ZFHX3: variants seen among roughly 807,000 people sequenced by gnomAD.
The protein encoded by ZFHX3 is zinc finger homeobox 3, also known as zinc finger homeobox protein 3.
A neutral mutation model predicts 279.1 loss-of-function variants in ZFHX3; 42 were observed. That is an observed-to-expected ratio of 0.15 (90% CI 0.12 to 0.19). The LOEUF is 0.19. Ranked by LOEUF, ZFHX3 falls within the 10% of genes least tolerant of loss-of-function variation. The probability of loss-of-function intolerance (pLI) is 1.00; values close to 1 mark genes in which losing one functional copy is unlikely to be tolerated. For missense variants in ZFHX3, 4,981 were observed against 4,754.0 expected (o/e 1.05, Z -1.40); for synonymous variants, 2,293 against 1,957.8 (o/e 1.17, Z -4.52).
At chr16:73,495,000 A>G (rs1221146526) in intron 2 of ZFHX3, among the ~76,000 whole-genome samples, 2 of 152,202 alleles carry the variant, frequency 1.3e-5, no homozygotes, top group Admixed American at 1.3e-4. Flanking sequence ...TTTTGTATCA[A>G]TCGTTTCTGC....
intron 1 of ZFHX3, among the ~76,000 whole-genome samples, chr16:73,773,503 G>T (rs2054043425): frequency 6.6e-6 from 1 of 152,190 alleles, no homozygotes; most frequent in African/African-American, 2.4e-5. Flanking sequence ...AGTGAATAAG[G>T]ATCTGTCCAC....
chr16:73,608,593 A>G (rs530410059), intron 2 of ZFHX3: 2 of 152,330 alleles, frequency 1.3e-5, no homozygotes, highest in African/African-American at 4.8e-5. Flanking sequence ...CTTTTATTCA[A>G]AAGCAGAAAA....
chr16:73,208,726 C>T (rs2052715935), intron 5 of ZFHX3, among the ~76,000 whole-genome samples: 1 of 152,108 alleles, frequency 6.6e-6, no homozygotes, highest in East Asian at 1.9e-4. Flanking sequence ...ATTAGAGATG[C>T]CTACTTTTCT....
chr16:73,336,358 T>G (rs944810734), intron 3 of ZFHX3, among the ~76,000 whole-genome samples: 2 of 152,036 alleles, frequency 1.3e-5, no homozygotes, highest in Admixed American at 1.3e-4. Context: ...GCATAGCACC[T>G]GATAGTTTTT....
At position 73,457,976 on chromosome 16, in the gene ZFHX3, T is replaced by G. The variant is rs548368422; in HGVS notation, c.-1546-1718A>C. On this transcript the variant is annotated intron_variant, in intron 2 of 17. Transcript: ENST00000641206. ...TAAGGGGCACTTAAGCTCAGGTGTT[T>G]AACAGATTCTCCAGCACTTTATAGG... Among the ~76,000 whole-genome samples, 12 of 152,270 alleles carry G rather than the reference T, an allele frequency of 7.9e-5. No individual in the cohort carries two copies. In the South Asian group the frequency reaches 2.5e-3, roughly 32 times the overall value.
At position 72,958,992 on chromosome 16, in the gene ZFHX3, G is replaced by T; in HGVS notation, c.1154C>A (p.Ala385Asp). 6.2e-7 allele frequency: 1 copy of T among 1,607,498 alleles called. No individual in the cohort carries two copies. The highest frequency in any genetic ancestry group is 8.5e-7 in the Non-Finnish European group (1 of 1,177,060). The change falls in exon 2 of 10, where the codon GCT becomes GAT. Residue 385 changes from alanine to aspartate, a missense_variant. Coordinates refer to ENST00000268489, the MANE Select transcript of ZFHX3 (RefSeq NM_006885.4). Reference sequence around the variant, plus strand: ...ACCAGCCTGGGGCTGCTCGGGGCCAGCGGCGGAGCCCGCTGGGAGAGCTTC... The same window carrying T: ...ACCAGCCTGGGGCTGCTCGGGGCCATCGGCGGAGCCCGCTGGGAGAGCTTC... ...GEEALPAGSA[A>D]GPEQPQAGLL...
intron 1 of ZFHX3, among the ~76,000 whole-genome samples, chr16:73,708,951 T>C (rs1406798149): frequency 6.6e-6 from 1 of 152,152 alleles, no homozygotes; most frequent in Non-Finnish European, 1.5e-5. Context: ...TCTTCCCTCG[T>C]TGATGAGGTG....
chr16:72,913,817 T>C (rs956632356), intron 3 of ZFHX3, among the ~76,000 whole-genome samples: 5 of 152,194 alleles, frequency 3.3e-5, no homozygotes, highest in African/African-American at 1.2e-4. Context: ...TCAGAGTTTG[T>C]TGTCTTTGTT....
intron 2 of ZFHX3, among the ~76,000 whole-genome samples, chr16:73,547,465 T>C (rs1234796654): frequency 6.6e-6 from 1 of 152,224 alleles, no homozygotes; most frequent in African/African-American, 2.4e-5. Context: ...TTTCCTTTAG[T>C]TCCAGGGACA....
intron 4 of ZFHX3, among the ~76,000 whole-genome samples, chr16:72,872,378 C>G (rs2038184648): frequency 6.6e-6 from 1 of 152,108 alleles, no homozygotes; most frequent in South Asian, 2.1e-4. Context: ...TCTTTTTACT[C>G]AGAATTCAAC....
At position 73,149,493 on chromosome 16, in the gene ZFHX3, C is replaced by G. The variant is rs1006751365; in HGVS notation, c.-1103-5662G>C. ...ACTCACTCCACACATCTGTTGTGTG[C>G]CAAAGTAATCAGGAAATGAACCAAA... On this transcript the variant is annotated intron_variant, in intron 5 of 17. Transcript: ENST00000641206. Among the ~76,000 whole-genome samples the G allele has an allele frequency of 2.6e-5, 4 of 152,050 alleles. No homozygotes were observed. In the South Asian group the frequency reaches 8.3e-4, roughly 32 times the overall value.
chr16:73,806,228 T>A (rs1321793348), intron 1 of ZFHX3, among the ~76,000 whole-genome samples: 1 of 152,088 alleles, frequency 6.6e-6, no homozygotes. Context: ...CAATTCAAGG[T>A]GAGATTTGGG....
chr16:73,374,818 T>C (rs2016694431), intron 3 of ZFHX3, among the ~76,000 whole-genome samples: 1 of 152,194 alleles, frequency 6.6e-6, no homozygotes, highest in Non-Finnish European at 1.5e-5. Context: ...ATTCTTATGG[T>C]GGTGTTTACA....
chr16:72,788,287 C>G lies in ZFHX3; in HGVS notation c.9989G>C (p.Gly3330Ala). 6.2e-7 allele frequency: 1 copy of G among 1,614,172 alleles called. No homozygotes were observed. The highest frequency in any genetic ancestry group is 8.5e-7 in the Non-Finnish European group (1 of 1,180,024). Residue 3330 changes from glycine to alanine, a missense_variant, in exon 10 of 10, where the codon GGG becomes GCG. Gly to Ala is a moderately conservative substitution (Grantham distance 60, BLOSUM62 0). This residue lies in a region of ZFHX3 where 1,034 missense variants were observed against 786.0 expected (regional missense o/e 1.32). Coordinates refer to ENST00000268489, the MANE Select transcript of ZFHX3 (RefSeq NM_006885.4). ...CATGCCATACATAGGCTGCAGGTAC[C>G]CGCTCTGCAGGGCGCCAGGGATCTG... ...APQIPGALQS[G>A]YLQPMYGMEG... is the part of the protein sequence containing the mutation.
At chr16:73,662,370 A>G (rs2052794411) in intron 2 of ZFHX3, among the ~76,000 whole-genome samples, 1 of 152,190 alleles carries the variant, frequency 6.6e-6, no homozygotes, top group African/African-American at 2.4e-5. Context: ...ACCCACGGTC[A>G]CAGCGTTTCT....
At chr16:73,449,430 G>T (rs1266151636) in intron 3 of ZFHX3, among the ~76,000 whole-genome samples, 2 of 152,126 alleles carry the variant, frequency 1.3e-5, no homozygotes, top group African/African-American at 4.8e-5. Flanking sequence ...AGAAGGCTGA[G>T]GCGGGAGGAT....
chr16:73,246,197 C>A (rs1348914513), intron 5 of ZFHX3, among the ~76,000 whole-genome samples: 1 of 152,094 alleles, frequency 6.6e-6, no homozygotes, highest in Non-Finnish European at 1.5e-5. Flanking sequence ...AGAGTTGTGA[C>A]CTTTTAGGAG....
At chr16:73,302,534 G>T (rs1192004738) in intron 4 of ZFHX3, among the ~76,000 whole-genome samples, 4 of 152,226 alleles carry the variant, frequency 2.6e-5, no homozygotes, top group African/African-American at 9.7e-5. Flanking sequence ...AGCACAGACA[G>T]TTGAATAAGA....
intron 3 of ZFHX3, among the ~76,000 whole-genome samples, chr16:72,931,938 C>T (rs779847338): frequency 6.6e-6 from 1 of 152,284 alleles, no homozygotes; most frequent in East Asian, 1.9e-4. Context: ...GATACAAACA[C>T]GAACCATAAC....
Sources: allele counts gnomAD v4.1 joint callset (sites outside exome capture counted in the v4.1 genomes callset), GRCh38; gene constraint gnomAD v4.1.1; regional missense constraint gnomAD v4.1.1; transcripts MANE v1.5; gene names NCBI Gene and HGNC (gene_info 2026-07-23, HGNC 2026-07-21).